The following PREX2 variants were observed in gnomAD, a reference collection of about 807,000 sequenced individuals.
PREX2 encodes phosphatidylinositol-3,4,5-trisphosphate dependent Rac exchange factor 2, also known as phosphatidylinositol 3,4,5-trisphosphate-dependent Rac exchanger 2 protein.
In PREX2, 107 loss-of-function variants were observed where a neutral mutation model predicts 203.2. The observed-to-expected ratio is 0.53, with a 90% CI of 0.45 to 0.62. The LOEUF (loss-of-function observed/expected upper bound fraction) is 0.62, where lower values mean the gene tolerates loss of function less well. Ranked by LOEUF, PREX2 falls within the 20% of genes least tolerant of loss-of-function variation. The probability of loss-of-function intolerance (pLI) is 0.00; values close to 1 mark genes in which losing one functional copy is unlikely to be tolerated. For synonymous variants in PREX2, 672 were observed against 663.6 expected (o/e 1.01, Z -0.19); for missense variants, 1,777 against 1,955.9 (o/e 0.91, Z 1.72).
rs144518515 is a variant in PREX2, at chr8:68,136,753, G to C, written c.3985-1662G>C. 4.6e-5 allele frequency among the ~76,000 whole-genome samples: 7 copies of C among 152,210 alleles called. No individual in the cohort carries two copies. In the East Asian group the frequency reaches 1.4e-3, roughly 29 times the overall value. ...TTAAACATCACACCAAGGTACAAAG[G>C]TGACAGTTCTTCCAACCTCTTTGTG... On this transcript the variant is annotated intron_variant, in intron 32 of 39. Coordinates refer to ENST00000288368, the MANE Select transcript of PREX2 (RefSeq NM_024870.4).
At chr8:67,983,798 C>T (rs1484360860) in intron 1 of PREX2, among the ~76,000 whole-genome samples, 1 of 152,184 alleles carries the variant, frequency 6.6e-6, no homozygotes, top group Non-Finnish European at 1.5e-5. Flanking sequence ...GCTCTGGGTC[C>T]ACATGGCTGG....
chr8:68,064,872 T>C (rs1329079510), intron 11 of PREX2, among the ~76,000 whole-genome samples: 1 of 152,192 alleles, frequency 6.6e-6, no homozygotes, highest in African/African-American at 2.4e-5. Flanking sequence ...GGAATATTTA[T>C]ACAACAGAAA....
chr8:67,998,771 A>T (rs1806845695), intron 1 of PREX2, among the ~76,000 whole-genome samples: 1 of 152,210 alleles, frequency 6.6e-6, no homozygotes, highest in African/African-American at 2.4e-5. Context: ...CCCTGACTCT[A>T]AAACAAAAAC....
At chr8:68,103,583 A>G (rs764414071) in intron 23 of PREX2, 1 of 519,008 alleles carries the variant, frequency 1.9e-6, no homozygotes, top group South Asian at 1.4e-5. Context: ...AAGGCTGTCT[A>G]TACCTGCTTT....
rs565208503 is a variant in PREX2 at position 68,061,072 on chromosome 8, T to A, written c.1339+293T>A. On this transcript the variant is annotated intron_variant, in intron 11 of 39. Transcript: ENST00000288368. ...CTATAGTAATTAGAGTATTTGGGAG[T>A]GCTTCATGGAGGACGGGACATGACA... Among the ~76,000 whole-genome samples, 8 of 152,048 alleles carry A rather than the reference T, an allele frequency of 5.3e-5. No homozygotes were observed. In the South Asian group the frequency reaches 1.7e-3, roughly 32 times the overall value.
chr8:68,215,598 G>A (rs931211176), intron 37 of PREX2, among the ~76,000 whole-genome samples: 1 of 151,796 alleles, frequency 6.6e-6, no homozygotes, highest in Non-Finnish European at 1.5e-5. Flanking sequence ...GCAGTGGTGC[G>A]ATCTCTGCTC....
At chr8:68,186,594 A>G (rs1399392051) in intron 35 of PREX2, among the ~76,000 whole-genome samples, 1 of 151,986 alleles carries the variant, frequency 6.6e-6, no homozygotes, top group African/African-American at 2.4e-5. Context: ...GCTCACTGCA[A>G]CCTCTGCCTC....
Position 68,185,179 on chromosome 8 carries a change from G to A in PREX2, c.4347-6543G>A, listed in dbSNP as rs147928812. Among the ~76,000 whole-genome samples, 538 of 152,032 alleles carry A rather than the reference G, an allele frequency of 3.5e-3. 2 individuals carry two copies. The highest frequency in any genetic ancestry group is 0.012 in the African/African-American group (501 of 41,458). On this transcript the variant is annotated intron_variant, in intron 35 of 39. Coordinates refer to ENST00000288368, the MANE Select transcript of PREX2 (RefSeq NM_024870.4). ...TTTGATGAGTCATGTATTTCCTCTCGTTCATCCTTTTGTTTTTCCTTTTTC... is the reference window on the plus strand; with the variant it reads ...TTTGATGAGTCATGTATTTCCTCTCATTCATCCTTTTGTTTTTCCTTTTTC...
At chr8:68,210,465 C>T (rs1812721708) in intron 37 of PREX2, among the ~76,000 whole-genome samples, 3 of 152,156 alleles carry the variant, frequency 2.0e-5, no homozygotes, top group African/African-American at 7.2e-5. Context: ...ATCAGTGTTC[C>T]TGACAGTGGG....
At chr8:68,066,342 C>T (rs759464145) in intron 11 of PREX2, among the ~76,000 whole-genome samples, 25 of 152,212 alleles carry the variant, frequency 1.6e-4, no homozygotes, top group Non-Finnish European at 3.2e-4. Flanking sequence ...TCTCCACCAA[C>T]AGTGTACAAG....
At chr8:68,205,606 G>A (rs145111440) in intron 37 of PREX2, among the ~76,000 whole-genome samples, 55 of 152,284 alleles carry the variant, frequency 3.6e-4, no homozygotes, top group African/African-American at 1.2e-3. Context: ...CTTCCTCCAT[G>A]GAAGGTAATG....
chr8:68,119,611 A>G (rs1449044738), intron 28 of PREX2, 97 bp downstream of exon 28: 4 of 850,456 alleles, frequency 4.7e-6, no homozygotes, highest in South Asian at 1.5e-5. Context: ...TAGAACAGAA[A>G]GGCCTCAATC....
chr8:68,219,763 G>T (rs1437991492), intron 38 of PREX2, among the ~76,000 whole-genome samples: 4 of 152,184 alleles, frequency 2.6e-5, no homozygotes. Flanking sequence ...CCAGTATTCA[G>T]CAGTAGCAGA....
chr8:68,067,901 G>C (rs1212426520), intron 11 of PREX2, among the ~76,000 whole-genome samples: 1 of 151,938 alleles, frequency 6.6e-6, no homozygotes, highest in South Asian at 2.1e-4. Context: ...TGCCAAATTT[G>C]TTGAGAGCTT....
Position 68,224,728 on chromosome 8 carries a change from C to T in PREX2, c.4775+102C>T, listed in dbSNP as rs181158741. ...AACTGATCTAGGATGTGCCCCGTGT[C>T]GTACTGATTGTAATTACGGAGATTG... On this transcript the variant is annotated intron_variant, in intron 39 of 39. Coordinates refer to ENST00000288368, the MANE Select transcript of PREX2 (RefSeq NM_024870.4). 4.3e-5 allele frequency: 34 copies of T among 795,698 alleles called. No homozygotes were observed. The East Asian group carries it at 7.2e-4, about 17-fold the overall frequency. 49.3% of individuals were successfully genotyped at this position (795,698 alleles called of 1,614,324 possible). A position where few individuals can be genotyped will look rare whatever the true frequency, so the allele number is the denominator to read the frequency against.
At chr8:68,187,516 C>T (rs1195974593) in intron 35 of PREX2, among the ~76,000 whole-genome samples, 1 of 152,084 alleles carries the variant, frequency 6.6e-6, no homozygotes, top group Non-Finnish European at 1.5e-5. Flanking sequence ...ATTTCATATG[C>T]ATTAATTTAA....
rs1260459912 is a variant in PREX2 at position 67,964,076 on chromosome 8, GGGGGAACCAGTATAGTA to G, written c.141+11545_141+11561del. Among the ~76,000 whole-genome samples the G allele has an allele frequency of 5.3e-5, 8 of 152,288 alleles. No individual in the cohort carries two copies. The South Asian group carries it at 1.5e-3, about 28-fold the overall frequency. ...GTGTTTCCAATGGGTTAGAGAAGGT[GGGGGAACCAGTATAGTA>G]GGGTGTTGTCCTTTTCCCTATGGTT... On this transcript the variant is annotated intron_variant, in intron 1 of 39. Coordinates refer to ENST00000288368, the MANE Select transcript of PREX2 (RefSeq NM_024870.4).
intron 35 of PREX2, among the ~76,000 whole-genome samples, chr8:68,159,957 C>T (rs1190062494): frequency 6.6e-6 from 1 of 151,284 alleles, no homozygotes; most frequent in Non-Finnish European, 1.5e-5. Context: ...AAATGGCTCA[C>T]AAAGAAAAAA....
intron 10 of PREX2, among the ~76,000 whole-genome samples, chr8:68,058,054 A>G (rs1196332653): frequency 6.6e-6 from 1 of 152,226 alleles, no homozygotes; most frequent in East Asian, 1.9e-4. Flanking sequence ...ATAACAGCAC[A>G]CTACTGCCGC....
Sources: gnomAD v4.1 joint callset for allele counts (sites outside exome capture counted in the v4.1 genomes callset) on GRCh38, gnomAD v4.1.1 for gene constraint, MANE v1.5 for transcripts, NCBI Gene and HGNC (gene_info 2026-07-23, HGNC 2026-07-21) for gene names.